PIEZO2: variants seen among roughly 807,000 people sequenced by gnomAD.
PIEZO2 encodes the protein piezo type mechanosensitive ion channel component 2, also known as piezo-type mechanosensitive ion channel component 2.
PIEZO2 carries 172 observed loss-of-function variants against 337.3 expected under a neutral mutation model. The observed-to-expected ratio is 0.51, with a 90% CI of 0.45 to 0.58. The LOEUF is 0.58. Among genes scored for constraint, PIEZO2 ranks in the 20% least tolerant of loss-of-function variants. The pLI, the probability that PIEZO2 is intolerant of heterozygous loss-of-function variation, is 0.00. For synonymous variants in PIEZO2, 1,251 were observed against 1,228.5 expected, an observed-to-expected ratio of 1.02 and a Z score of -0.38; for missense variants, 3,028 against 3,391.3, an observed-to-expected ratio of 0.89 and a Z score of 2.66.
In PIEZO2 at chr18:10,945,262, C is replaced by A. The variant is rs1221797712; in HGVS notation, c.287-34034G>T. On this transcript the variant is annotated intron_variant, in intron 3 of 55. Transcript: ENST00000674853. This position sits in a 1 kb window ranked among gnomAD's most constrained non-coding sequence, Gnocchi z 4.0. Reference sequence around the variant, plus strand: ...TGGCACAATCATAGCTCACTGCAGCCTCAAACTCCTGTGCTCAGGGGATCC... The same window carrying A: ...TGGCACAATCATAGCTCACTGCAGCATCAAACTCCTGTGCTCAGGGGATCC... 6.6e-6 allele frequency among the ~76,000 whole-genome samples: 1 copy of A among 152,138 alleles called. No individual in the cohort carries two copies. Among genetic ancestry groups the A allele is most frequent in the Non-Finnish European group, 1.5e-5 (1 of 68,034 alleles).
intron 43 of PIEZO2, among the ~76,000 whole-genome samples, chr18:10,701,090 T>A (rs539853933): frequency 6.6e-6 from 1 of 152,258 alleles, no homozygotes; most frequent in Non-Finnish European, 1.5e-5. Flanking sequence ...TATTAACTTA[T>A]GCCAAGCCTG....
rs778911849 is a variant in PIEZO2 at position 10,954,680 on chromosome 18, C to G, written c.286+24855G>C. ...GGCACTCGAAGTCCACTGCAGTCCA[C>G]TTTTGGGACTGGTTGCCATGGTGAT... is the stretch of plus-strand genomic sequence containing the variant. On this transcript the variant is annotated intron_variant, in intron 3 of 55. Coordinates refer to ENST00000674853, the MANE Select transcript of PIEZO2 (RefSeq NM_001378183.1). The surrounding 1 kb of genome is among the most constrained non-coding windows in gnomAD (Gnocchi z 4.2). Among the ~76,000 whole-genome samples the G allele has an allele frequency of 2.6e-5, 4 of 152,180 alleles. No homozygotes were observed. Among genetic ancestry groups the G allele is most frequent in the Non-Finnish European group, 5.9e-5 (4 of 68,042 alleles).
chr18:10,848,131 G>A (rs1051493807), intron 7 of PIEZO2, among the ~76,000 whole-genome samples: 1 of 152,140 alleles, frequency 6.6e-6, no homozygotes, highest in East Asian at 1.9e-4. Flanking sequence ...TTCAATAACC[G>A]GATTATGTAG....
intron 37 of PIEZO2, 79 bp downstream of exon 37, chr18:10,718,121 G>C: frequency 8.0e-7 from 1 of 1,243,562 alleles, no homozygotes; most frequent in Non-Finnish European, 1.1e-6. Context: ...AATTTTTCAG[G>C]CAGCCTTCCA....
chr18:10,763,209 G>T, intron 21 of PIEZO2, 111 bp from the exon 22 acceptor site: 2 of 1,214,768 alleles, frequency 1.6e-6, no homozygotes, highest in Non-Finnish European at 2.3e-6. Context: ...AAGCAGACTG[G>T]ATTCCTAGCA....
intron 1 of PIEZO2, among the ~76,000 whole-genome samples, chr18:11,088,394 G>T (rs192569508): frequency 8.5e-5 from 13 of 152,110 alleles, no homozygotes; most frequent in African/African-American, 2.9e-4. Flanking sequence ...CCTATTCATT[G>T]GATTTCTATT....
At chr18:10,742,038 C>T (rs961376612) in intron 32 of PIEZO2, among the ~76,000 whole-genome samples, 1 of 152,030 alleles carries the variant, frequency 6.6e-6, no homozygotes, top group African/African-American at 2.4e-5. Flanking sequence ...ACCTGTAGTC[C>T]CAGCTACTCG....
At position 11,066,281 on chromosome 18, in the gene PIEZO2, A is replaced by C. The variant is rs1275036611; in HGVS notation, c.65-59T>G. The C allele has an allele frequency of 1.1e-5, 15 of 1,338,088 alleles. No individual in the cohort carries two copies. The Admixed American group carries it at 2.8e-4, about 25-fold the overall frequency. 82.9% of individuals were successfully genotyped at this position (1,338,088 alleles called of 1,614,324 possible). A position where few individuals can be genotyped will look rare whatever the true frequency, so the allele number is the denominator to read the frequency against. ...TCATTAACAAAGGCAGGTTGACAAAACCAGGGGTGCATAACAAAAGATGGT... is the reference window on the plus strand; with the variant it reads ...TCATTAACAAAGGCAGGTTGACAAACCCAGGGGTGCATAACAAAAGATGGT... On this transcript the variant is annotated intron_variant, in intron 1 of 55. Coordinates refer to ENST00000674853, the MANE Select transcript of PIEZO2 (RefSeq NM_001378183.1).
At chr18:11,007,441 A>G (rs2035760255) in intron 2 of PIEZO2, among the ~76,000 whole-genome samples, 1 of 152,204 alleles carries the variant, frequency 6.6e-6, no homozygotes, top group African/African-American at 2.4e-5. Context: ...GATCTGGAAC[A>G]TTTACATTAC....
At position 10,830,164 on chromosome 18, in the gene PIEZO2, C is replaced by T. The variant is rs2040802994; in HGVS notation, c.918-22890G>A. Among the ~76,000 whole-genome samples the T allele has an allele frequency of 6.6e-6, 1 of 152,104 alleles. No individual in the cohort carries two copies. The highest frequency in any genetic ancestry group is 1.5e-5 in the Non-Finnish European group (1 of 68,018). On this transcript the variant is annotated intron_variant, in intron 7 of 55. Transcript: ENST00000674853. This position sits in a 1 kb window ranked among gnomAD's most constrained non-coding sequence, Gnocchi z 4.7. Reference sequence around the variant, plus strand: ...ACATCTACAGTGAACTTGCTTTTGACAAAGGTGCTAAGAACATACACATGG... The same window carrying T: ...ACATCTACAGTGAACTTGCTTTTGATAAAGGTGCTAAGAACATACACATGG...
intron 40 of PIEZO2, among the ~76,000 whole-genome samples, chr18:10,706,084 C>A (rs1567969024): frequency 6.6e-6 from 1 of 152,138 alleles, no homozygotes; most frequent in South Asian, 2.1e-4. Flanking sequence ...CAACACAGCA[C>A]AGCTTACCCA....
rs763938033 is a variant in PIEZO2, at chr18:10,705,595, C to T, written c.5740G>A (p.Ala1914Thr). 3 of 1,537,234 alleles carry T rather than the reference C, an allele frequency of 2.0e-6. No homozygotes were observed. The highest frequency in any genetic ancestry group is 8.7e-7 in the Non-Finnish European group (1 of 1,146,906). Residue 1914 changes from alanine to threonine, a missense_variant, in exon 41 of 56, where the codon GCC becomes ACC. Transcript: ENST00000674853. ...EYEATGYDVG[A>T]MGAEEASLTP... ...AGGCTGGCCTCCTCGGCACCCATGG[C>T]TCCCACATCGTACCCAGTGGCCTCG...
At chr18:10,923,294 T>C (rs1358259437) in intron 3 of PIEZO2, among the ~76,000 whole-genome samples, 2 of 152,190 alleles carry the variant, frequency 1.3e-5, no homozygotes, top group South Asian at 2.1e-4. Flanking sequence ...AACTTCATGA[T>C]ATAATGAAAT....
At position 10,824,137 on chromosome 18, in the gene PIEZO2, A is replaced by G. The variant is rs531490285; in HGVS notation, c.918-16863T>C. Among the ~76,000 whole-genome samples the G allele has an allele frequency of 1.6e-3, 241 of 152,356 alleles. 2 individuals are homozygous for G. Among genetic ancestry groups the G allele is most frequent in the African/African-American group, 5.4e-3 (225 of 41,584 alleles). The stretch of plus-strand genomic sequence containing the variant: ...TATATATTTTATGCACATATATAAT[A>G]TAGTCCATTTTAACTTCTGGGTAGT... On this transcript the variant is annotated intron_variant, in intron 7 of 55. Coordinates refer to ENST00000674853, the MANE Select transcript of PIEZO2 (RefSeq NM_001378183.1). The surrounding 1 kb of genome is among the most constrained non-coding windows in gnomAD (Gnocchi z 4.4).
chr18:11,101,111 T>C lies in PIEZO2; in HGVS notation c.65-34889A>G, dbSNP rs2146093307. On this transcript the variant is annotated intron_variant, in intron 1 of 55. Coordinates refer to ENST00000674853, the MANE Select transcript of PIEZO2 (RefSeq NM_001378183.1). The surrounding 1 kb of genome is among the most constrained non-coding windows in gnomAD (Gnocchi z 4.4). Reference sequence around the variant, plus strand: ...GAGTCCCATGTGGCCAGAGTCTGGTTCAGATGTTTCATGAGCTTCCCCACC... The same window carrying C: ...GAGTCCCATGTGGCCAGAGTCTGGTCCAGATGTTTCATGAGCTTCCCCACC... 6.6e-6 allele frequency among the ~76,000 whole-genome samples: 1 copy of C among 152,294 alleles called. No individual in the cohort carries two copies. The highest frequency in any genetic ancestry group is 2.4e-5 in the African/African-American group (1 of 41,560).
intron 1 of PIEZO2, among the ~76,000 whole-genome samples, chr18:11,072,026 G>A (rs2038359152): frequency 6.6e-6 from 1 of 151,292 alleles, no homozygotes; most frequent in Non-Finnish European, 1.5e-5. Context: ...TTCCTGCACA[G>A]CTCACATGCT....
chr18:10,846,459 T>C lies in PIEZO2; in HGVS notation c.917+8894A>G, dbSNP rs902420214. 6.6e-6 allele frequency among the ~76,000 whole-genome samples: 1 copy of C among 152,130 alleles called. No homozygotes were observed. Among genetic ancestry groups the C allele is most frequent in the Non-Finnish European group, 1.5e-5 (1 of 68,026 alleles). On this transcript the variant is annotated intron_variant, in intron 7 of 55. Coordinates refer to ENST00000674853, the MANE Select transcript of PIEZO2 (RefSeq NM_001378183.1). The surrounding 1 kb of genome is among the most constrained non-coding windows in gnomAD (Gnocchi z 4.1). ...AATCAAGTTTTACATTATTCTGATA[T>C]ATAAGGAGATAAAATACAAGGGTTT...
rs2033316607 is a variant in PIEZO2, at chr18:10,952,025, CT to C, written c.286+27509del. On this transcript the variant is annotated intron_variant, in intron 3 of 55. Coordinates refer to ENST00000674853, the MANE Select transcript of PIEZO2 (RefSeq NM_001378183.1). The surrounding 1 kb of genome is among the most constrained non-coding windows in gnomAD (Gnocchi z 4.1). Reference sequence around the variant, plus strand: ...TGTGAAACTGTCTCTGAAACATTATCTGATTTGGCCTCCACAATAGCTCTTG... The same window carrying C: ...TGTGAAACTGTCTCTGAAACATTATCGATTTGGCCTCCACAATAGCTCTTG... Among the ~76,000 whole-genome samples, 1 of 152,140 alleles carries C rather than the reference CT, an allele frequency of 6.6e-6. No homozygotes were observed.
rs2040941324 is a variant in PIEZO2, at chr18:10,834,396, G to C, written c.917+20957C>G. Among the ~76,000 whole-genome samples the C allele has an allele frequency of 6.6e-6, 1 of 152,124 alleles. No individual in the cohort carries two copies. Among genetic ancestry groups the C allele is most frequent in the Non-Finnish European group, 1.5e-5 (1 of 68,020 alleles). ...TTGGGAGGATTAAATGAAGTAACTA[G>C]CACCCGACAATACTATGTGCTCAAT... On this transcript the variant is annotated intron_variant, in intron 7 of 55. Coordinates refer to ENST00000674853, the MANE Select transcript of PIEZO2 (RefSeq NM_001378183.1). This position sits in a 1 kb window ranked among gnomAD's most constrained non-coding sequence, Gnocchi z 4.5.
Sources: gnomAD v4.1 joint callset for allele counts (sites outside exome capture counted in the v4.1 genomes callset) on GRCh38, gnomAD v4.1.1 for gene constraint, Gnocchi (gnomAD v3.1) non-coding constraint, MANE v1.5 for transcripts, NCBI Gene and HGNC (gene_info 2026-07-23, HGNC 2026-07-21) for gene names.